Variants in PGPEP1L observed in about 807,000 individuals in gnomAD.
The protein encoded by PGPEP1L is pyroglutamyl-peptidase 1-like protein.
PGPEP1L carries 7 observed loss-of-function variants against 6.0 expected under a neutral mutation model. That is an observed-to-expected ratio of 1.17 (90% confidence interval 0.66 to 2.19). The LOEUF is 2.19. PGPEP1L is among the 30% of genes most tolerant of loss of function. The pLI is 0.00. For synonymous variants in PGPEP1L, 103 were observed against 83.9 expected, an observed-to-expected ratio of 1.23 and a Z score of -1.24; for missense variants, 209 against 192.5, an observed-to-expected ratio of 1.09 and a Z score of -0.51.
rs1157678517 is a variant in PGPEP1L, at chr15:99,007,563, C to T, written c.-574G>A. 5.3e-5 allele frequency: 8 copies of T among 152,080 alleles called. No homozygotes were observed. Among genetic ancestry groups the T allele is most frequent in the Non-Finnish European group, 7.3e-5 (5 of 68,032 alleles). The allele number at this position is 152,080 out of a possible 1,614,324, so 9.4% of individuals were successfully genotyped here. A position where few individuals can be genotyped will look rare whatever the true frequency, so the allele number is the denominator to read the frequency against. ...CTGACTTCAGGAGTGAAGCTACGGA[C>T]CTTCATCATGAGTGCTACGGCTCTT... On this transcript the variant is annotated 5_prime_UTR_variant, in exon 1 of 5. Coordinates refer to ENST00000535714, the MANE Select transcript of PGPEP1L (RefSeq NM_001167902.2).
intron 2 of PGPEP1L, among the ~76,000 whole-genome samples, chr15:98,978,672 C>T (rs546234528): frequency 6.7e-6 from 1 of 148,240 alleles, no homozygotes; most frequent in African/African-American, 2.5e-5. Context: ...CAGGGCCCCA[C>T]TTATTTGTGT....
At chr15:98,981,489 CAAAAAA>C (rs769918543) in intron 2 of PGPEP1L, among the ~76,000 whole-genome samples, 7 of 82,104 alleles carry the variant, frequency 8.5e-5, no homozygotes, top group African/African-American at 2.4e-4. Context: ...GACTCCGTCT[CAAAAAA>C]AAAAAAAAAA....
chr15:98,982,019 G>A (rs1298401240), intron 2 of PGPEP1L, among the ~76,000 whole-genome samples: 2 of 152,198 alleles, frequency 1.3e-5, no homozygotes, highest in Non-Finnish European at 2.9e-5. Flanking sequence ...TTGTCTTCCT[G>A]TCAACGTGGG....
At chr15:98,995,493 T>A (rs2017875547) in intron 2 of PGPEP1L, among the ~76,000 whole-genome samples, 1 of 152,062 alleles carries the variant, frequency 6.6e-6, no homozygotes, top group South Asian at 2.1e-4. Flanking sequence ...AGGTCAGGAG[T>A]TCGAGACCAG....
intron 2 of PGPEP1L, among the ~76,000 whole-genome samples, chr15:98,981,754 G>A (rs1448721253): frequency 3.3e-5 from 5 of 152,130 alleles, no homozygotes; most frequent in Admixed American, 6.5e-5. Flanking sequence ...GTTAATAATG[G>A]GAAGAATTGA....
chr15:98,998,908 G>A (rs11853177), intron 2 of PGPEP1L, among the ~76,000 whole-genome samples: 1 of 152,208 alleles, frequency 6.6e-6, no homozygotes, highest in African/African-American at 2.4e-5. Context: ...CCGGAAGGCA[G>A]AGGTTGCAGT....
intron 2 of PGPEP1L, among the ~76,000 whole-genome samples, chr15:98,994,034 G>A (rs1196952925): frequency 1.3e-5 from 2 of 152,198 alleles, no homozygotes; most frequent in Admixed American, 1.3e-4. Context: ...TTGGGAGGCC[G>A]AGGCAGGTGG....
chr15:98,968,608 A>C lies in PGPEP1L; in HGVS notation c.299T>G (p.Leu100Arg). The C allele has an allele frequency of 6.2e-7, 1 of 1,607,314 alleles. No individual in the cohort carries two copies. The highest frequency in any genetic ancestry group is 8.5e-7 in the Non-Finnish European group (1 of 1,176,832). ...GGCTCTTCCCAGCAGGCTGGCCGGG[A>C]GCCCGCGCGATAGTGGAGGGACATG... Reference protein sequence around the residue: ...LIHVPPLSRGLPASLLGRALR... With the variant: ...LIHVPPLSRGRPASLLGRALR... The change falls in exon 5 of 5, where the codon CTC becomes CGC. Residue 100 changes from leucine (L) to arginine (R), a missense_variant. Physicochemically the swap from Leu to Arg is moderately radical, Grantham distance 102. Coordinates refer to ENST00000535714, the MANE Select transcript of PGPEP1L (RefSeq NM_001167902.2).
At chr15:98,984,939 C>G (rs2017725427) in intron 2 of PGPEP1L, among the ~76,000 whole-genome samples, 1 of 152,108 alleles carries the variant, frequency 6.6e-6, no homozygotes, top group Admixed American at 6.6e-5. Context: ...GGCCTGCCAG[C>G]CTAGGAAACT....
intron 2 of PGPEP1L, among the ~76,000 whole-genome samples, chr15:98,990,854 T>C (rs1298698536): frequency 6.6e-6 from 1 of 152,234 alleles, no homozygotes; most frequent in African/African-American, 2.4e-5. Flanking sequence ...AACCTGCTCC[T>C]GAATGACTAC....
At chr15:98,997,436 T>C (rs150402676) in intron 2 of PGPEP1L, among the ~76,000 whole-genome samples, 20 of 152,194 alleles carry the variant, frequency 1.3e-4, no homozygotes, top group Middle Eastern at 3.4e-3. Context: ...AGGCATGAAA[T>C]TGATGGCCAA....
At chr15:99,000,162 G>A (rs1397036544) in intron 2 of PGPEP1L, among the ~76,000 whole-genome samples, 4 of 152,370 alleles carry the variant, frequency 2.6e-5, no homozygotes, top group African/African-American at 7.2e-5. Flanking sequence ...CAGCCCCGCC[G>A]GCCCCAGGCA....
At chr15:98,972,317 C>T (rs1287657848) in intron 2 of PGPEP1L, among the ~76,000 whole-genome samples, 1 of 151,866 alleles carries the variant, frequency 6.6e-6, no homozygotes, top group Non-Finnish European at 1.5e-5. Context: ...CGTGCCATCG[C>T]ACTCCAGCCT....
At chr15:99,006,431 A>G (rs2018063762) in intron 1 of PGPEP1L, among the ~76,000 whole-genome samples, 1 of 152,250 alleles carries the variant, frequency 6.6e-6, no homozygotes, top group Non-Finnish European at 1.5e-5. Context: ...CCTCTTTTTA[A>G]TGTGTCAGAA....
intron 2 of PGPEP1L, among the ~76,000 whole-genome samples, chr15:98,998,768 A>G (rs782651064): frequency 1.3e-5 from 2 of 152,216 alleles, no homozygotes; most frequent in Non-Finnish European, 2.9e-5. Flanking sequence ...ACCTGAGGTC[A>G]GGAGTTCGAG....
At chr15:98,971,590 G>A (rs956129566) in intron 2 of PGPEP1L, among the ~76,000 whole-genome samples, 1 of 152,122 alleles carries the variant, frequency 6.6e-6, no homozygotes, top group African/African-American at 2.4e-5. Context: ...CAAACATGAA[G>A]AAGAAATAAA....
chr15:99,001,707 T>TG (rs1555473063), intron 2 of PGPEP1L, among the ~76,000 whole-genome samples: 106 of 150,730 alleles, frequency 7.0e-4, no homozygotes, highest in Non-Finnish European at 1.4e-3. Flanking sequence ...TATATATTTG[T>TG]GTTTTTTATT....
intron 2 of PGPEP1L, among the ~76,000 whole-genome samples, chr15:98,971,641 T>C (rs2017499073): frequency 6.6e-6 from 1 of 152,206 alleles, no homozygotes; most frequent in African/African-American, 2.4e-5. Context: ...ATGCCAGACC[T>C]GTCTTACAAA....
In PGPEP1L at chr15:98,995,658, T is replaced by C. The variant is rs556741982; in HGVS notation, c.-142+9771A>G. Among the ~76,000 whole-genome samples, 3 of 152,374 alleles carry C rather than the reference T, an allele frequency of 2.0e-5. No homozygotes were observed. The South Asian group carries it at 6.2e-4, about 32-fold the overall frequency. ...TTGCAGTGAGCCAAGATGGCACCAC[T>C]GCACTCCAGCCTGGGCGACAGAGCT... On this transcript the variant is annotated intron_variant, in intron 2 of 4. Coordinates refer to ENST00000535714, the MANE Select transcript of PGPEP1L (RefSeq NM_001167902.2).
Sources: gnomAD v4.1 joint callset for allele counts (sites outside exome capture counted in the v4.1 genomes callset) on GRCh38, gnomAD v4.1.1 for gene constraint, MANE v1.5 for transcripts, NCBI Gene and HGNC (gene_info 2026-07-23, HGNC 2026-07-21) for gene names.